CTNNA2: variants seen among roughly 807,000 people sequenced by gnomAD.
CTNNA2 encodes the protein catenin alpha 2, also known as catenin alpha-2.
A neutral mutation model predicts 101.0 loss-of-function variants in CTNNA2; 42 were observed. That is an observed-to-expected ratio of 0.42 (90% confidence interval 0.32 to 0.54). The LOEUF is 0.54. Ranked by LOEUF, CTNNA2 falls within the 20% of genes least tolerant of loss-of-function variation. CTNNA2 has a pLI of 0.14. For synonymous variants in CTNNA2, 450 were observed against 456.4 expected (o/e 0.99, Z 0.18); for missense variants, 871 against 1,223.1 (o/e 0.71, Z 4.29).
chr2:79,835,546 T>C (rs544055659), intron 3 of CTNNA2, among the ~76,000 whole-genome samples: 61 of 152,196 alleles, frequency 4.0e-4, no homozygotes, highest in Non-Finnish European at 8.1e-4. Context: ...CCTGAATATC[T>C]GCCTACTTAT....
At chr2:80,525,596 C>A (rs979505871) in intron 9 of CTNNA2, among the ~76,000 whole-genome samples, 2 of 152,182 alleles carry the variant, frequency 1.3e-5, no homozygotes, top group Non-Finnish European at 2.9e-5. Flanking sequence ...CCCATCTGCT[C>A]TCTACCCTCA....
chr2:80,018,107 A>T (rs1376034121), intron 7 of CTNNA2, among the ~76,000 whole-genome samples: 1 of 152,202 alleles, frequency 6.6e-6, no homozygotes, highest in East Asian at 1.9e-4. Flanking sequence ...AATACCTGAG[A>T]ATGTTATGGA....
intron 4 of CTNNA2, among the ~76,000 whole-genome samples, chr2:79,421,015 A>G (rs1015215723): frequency 6.6e-6 from 1 of 152,180 alleles, no homozygotes; most frequent in Non-Finnish European, 1.5e-5. Context: ...ACATTAATTT[A>G]AAAAAGGAAA....
chr2:80,039,595 C>T (rs777541868), intron 7 of CTNNA2, among the ~76,000 whole-genome samples: 2 of 152,272 alleles, frequency 1.3e-5, no homozygotes, highest in Middle Eastern at 3.4e-3. Context: ...CGTCTGACTC[C>T]AGTGGGGGTG....
At chr2:79,496,150 A>G (rs973310107) in intron 4 of CTNNA2, among the ~76,000 whole-genome samples, 1 of 152,202 alleles carries the variant, frequency 6.6e-6, no homozygotes, top group Non-Finnish European at 1.5e-5. Flanking sequence ...GATTCTAAAC[A>G]AATAATATTC....
At chr2:79,690,887 G>A (rs1364717216) in intron 2 of CTNNA2, among the ~76,000 whole-genome samples, 1 of 151,988 alleles carries the variant, frequency 6.6e-6, no homozygotes, top group Non-Finnish European at 1.5e-5. Context: ...GGTTGCATTA[G>A]GTGGTGAGAA....
At position 80,264,945 on chromosome 2, in the gene CTNNA2, T is replaced by C. The variant is rs373764243; in HGVS notation, c.1057-128266T>C. On this transcript the variant is annotated intron_variant, in intron 7 of 18. Transcript: ENST00000402739. ...ATGCTTTTTGACTTTAGTTTATCAA[T>C]GAGAAAGGATAGGGAAGGATAGGGA... Among the ~76,000 whole-genome samples the C allele has an allele frequency of 4.7e-5, 7 of 149,710 alleles. No homozygotes were observed. In the East Asian group the frequency reaches 6.0e-4, roughly 13 times the overall value.
chr2:79,275,557 G>T (rs1475907370), intron 2 of CTNNA2, among the ~76,000 whole-genome samples: 3 of 151,788 alleles, frequency 2.0e-5, no homozygotes, highest in Non-Finnish European at 1.5e-5. Flanking sequence ...AGGAAAAAAG[G>T]ATCTTTTTTT....
intron 7 of CTNNA2, among the ~76,000 whole-genome samples, chr2:80,360,122 A>C (rs1024101754): frequency 5.3e-5 from 8 of 151,910 alleles, no homozygotes; most frequent in African/African-American, 1.9e-4. Context: ...TTTATTCCTA[A>C]TTTTCTTATT....
At chr2:80,095,328 C>T (rs1203297854) in intron 7 of CTNNA2, among the ~76,000 whole-genome samples, 1 of 152,168 alleles carries the variant, frequency 6.6e-6, no homozygotes, top group Non-Finnish European at 1.5e-5. Context: ...TATGTTGAAC[C>T]AGCCTTGCAT....
intron 12 of CTNNA2, among the ~76,000 whole-genome samples, chr2:80,569,295 C>T (rs559294376): frequency 1.3e-5 from 2 of 152,222 alleles, no homozygotes; most frequent in South Asian, 2.1e-4. Context: ...GGGATATCAT[C>T]GTTTTGTGGC....
chr2:80,228,109 T>C lies in CTNNA2; in HGVS notation c.1057-165102T>C, dbSNP rs76991181. On this transcript the variant is annotated intron_variant, in intron 7 of 18. Coordinates refer to ENST00000402739, the MANE Select transcript of CTNNA2 (RefSeq NM_001282597.3). The stretch of plus-strand genomic sequence containing the variant: ...CAAACTTGGACAAACTCTCCATGAG[T>C]GCACATGGTCAGGATCTGTGTTCAG... Among the ~76,000 whole-genome samples, 925 of 152,288 alleles carry C rather than the reference T, an allele frequency of 6.1e-3. 13 individuals carry two copies. The highest frequency in any genetic ancestry group is 0.021 in the African/African-American group (873 of 41,558).
chr2:79,712,931 T>G (rs2104817763), intron 2 of CTNNA2, among the ~76,000 whole-genome samples: 1 of 152,300 alleles, frequency 6.6e-6, no homozygotes, highest in South Asian at 2.1e-4. Flanking sequence ...AAGAATACGT[T>G]AATTCTAGAA....
chr2:80,266,003 G>A (rs1180546737), intron 7 of CTNNA2, among the ~76,000 whole-genome samples: 4 of 152,124 alleles, frequency 2.6e-5, no homozygotes, highest in Non-Finnish European at 5.9e-5. Flanking sequence ...CTGACTTTTG[G>A]TCATATTGGA....
At chr2:79,968,784 CTTAT>C (rs1056389291) in intron 7 of CTNNA2, among the ~76,000 whole-genome samples, 1 of 150,990 alleles carries the variant, frequency 6.6e-6, no homozygotes, top group African/African-American at 2.4e-5. Context: ...TTGTCTTCGC[CTTAT>C]TTAGAGAGTT....
chr2:80,261,864 A>AT (rs986599084), intron 7 of CTNNA2, among the ~76,000 whole-genome samples: 4 of 152,196 alleles, frequency 2.6e-5, no homozygotes, highest in Non-Finnish European at 5.9e-5. Context: ...TAGGAGGACT[A>AT]TTATCCCTTC....
intron 11 of CTNNA2, among the ~76,000 whole-genome samples, chr2:80,547,721 C>G (rs1269465984): frequency 8.9e-6 from 1 of 112,826 alleles, no homozygotes; most frequent in Non-Finnish European, 1.7e-5. Context: ...TGGAGTTTCA[C>G]TCTTGTTGCC....
chr2:80,171,504 C>A (rs1391393314), intron 7 of CTNNA2, among the ~76,000 whole-genome samples: 1 of 152,120 alleles, frequency 6.6e-6, no homozygotes, highest in African/African-American at 2.4e-5. Context: ...AACAAAGAAG[C>A]CCCCAAATAT....
chr2:79,606,173 G>A (rs1357628086), intron 1 of CTNNA2, among the ~76,000 whole-genome samples: 3 of 152,134 alleles, frequency 2.0e-5, no homozygotes, highest in Non-Finnish European at 4.4e-5. Context: ...ATTGAAATAT[G>A]CATCAACATA....
Sources: allele counts gnomAD v4.1 joint callset (sites outside exome capture counted in the v4.1 genomes callset), GRCh38; gene constraint gnomAD v4.1.1; transcripts MANE v1.5; gene names NCBI Gene and HGNC (gene_info 2026-07-23, HGNC 2026-07-21).